The following TIA1 variants were observed in gnomAD, a reference collection of about 807,000 sequenced individuals.
TIA1 encodes the protein TIA1 cytotoxic granule associated RNA binding protein.
In TIA1, 23 loss-of-function variants were observed where a neutral mutation model predicts 65.9. The observed-to-expected ratio is 0.35, with a 90% CI of 0.25 to 0.49. The LOEUF is 0.49. TIA1 is among the 20% of genes least tolerant of loss of function. The pLI is 0.98. For missense variants in TIA1, 371 were observed against 477.9 expected, an observed-to-expected ratio of 0.78 and a Z score of 2.09; for synonymous variants, 147 against 149.4, an observed-to-expected ratio of 0.98 and a Z score of 0.12.
rs747514623 is a variant in TIA1 at position 70,216,230 on chromosome 2, C to T, written c.742G>A (p.Asp248Asn). 1 of 1,590,608 alleles carries T rather than the reference C, an allele frequency of 6.3e-7. No individual in the cohort carries two copies. The highest frequency in any genetic ancestry group is 8.5e-7 in the Non-Finnish European group (1 of 1,173,568). Residue 248 changes from aspartate (D) to asparagine (N), a missense_variant, in exon 10 of 13, where the codon GAT (aspartate) becomes AAT (asparagine). Transcript: ENST00000433529. ...TACCGAACAAATGAATATCCTTTAT[C>T]TGGAAAGACTCGAATTTCCATTATT... The part of the protein sequence containing the change: ...GQIMEIRVFP[D>N]KGYSFVRFNS...
chr2:70,224,545 T>A lies in TIA1; in HGVS notation c.474+9A>T. The A allele has an allele frequency of 6.2e-7, 1 of 1,614,068 alleles. No individual in the cohort carries two copies. Among genetic ancestry groups the A allele is most frequent in the Non-Finnish European group, 8.5e-7 (1 of 1,179,984 alleles). Reference sequence around the variant, plus strand: ...TAAGCATTATCCATGCACTTCTCACTGAGCTCACCCATTTGTTGAAAAAGG... The same window carrying A: ...TAAGCATTATCCATGCACTTCTCACAGAGCTCACCCATTTGTTGAAAAAGG... On this transcript the variant is annotated intron_variant, in intron 7 of 12. Transcript: ENST00000433529.
In TIA1 at chr2:70,216,300, A is replaced by T; in HGVS notation, c.680-8T>A. ...TCTGACGCATTAGTTGTTCTGTTAG[A>T]CAAAAAACCAAAACAAACAAATCAC... On this transcript the variant is annotated splice_region_variant and splice_polypyrimidine_tract_variant and intron_variant, in intron 9 of 12. Transcript: ENST00000433529. 5 of 1,586,610 alleles carry T rather than the reference A, an allele frequency of 3.2e-6. No homozygotes were observed. The highest frequency in any genetic ancestry group is 4.3e-6 in the Non-Finnish European group (5 of 1,171,552).
chr2:70,234,820 A>G (rs933821754), intron 2 of TIA1, among the ~76,000 whole-genome samples: 25 of 152,224 alleles, frequency 1.6e-4, no homozygotes, highest in South Asian at 1.5e-3. Flanking sequence ...TCGGCCTCCC[A>G]AAGTGCTGGG....
chr2:70,232,187 C>T (rs1336720971), intron 2 of TIA1, among the ~76,000 whole-genome samples: 5 of 127,450 alleles, frequency 3.9e-5, no homozygotes, highest in African/African-American at 1.2e-4. Flanking sequence ...CCAGCCTGGG[C>T]GACAGAGCGA....
chr2:70,214,758 AT>A (rs1380618840), intron 11 of TIA1, among the ~76,000 whole-genome samples: 1 of 152,238 alleles, frequency 6.6e-6, no homozygotes, highest in African/African-American at 2.4e-5. Context: ...TACCCTAGTA[AT>A]AAATGTTAAA....
intron 2 of TIA1, among the ~76,000 whole-genome samples, chr2:70,234,376 C>T (rs1184967580): frequency 6.6e-6 from 1 of 152,124 alleles, no homozygotes; most frequent in Non-Finnish European, 1.5e-5. Context: ...ATCTTTCCCT[C>T]CTGTCTTTCT....
At chr2:70,246,728 A>C (rs529822387) in intron 1 of TIA1, among the ~76,000 whole-genome samples, 2 of 152,272 alleles carry the variant, frequency 1.3e-5, no homozygotes, top group South Asian at 4.1e-4. Flanking sequence ...TCTACTAAAA[A>C]TACAAAAATT....
rs1211754939 is a variant in TIA1, at chr2:70,226,197, T to C, written c.398+1538A>G. ...ATAATCATGGGACCATAAGAAAATCTACAGACTAAAAATATGACACAGAAA... is the reference window on the plus strand; with the variant it reads ...ATAATCATGGGACCATAAGAAAATCCACAGACTAAAAATATGACACAGAAA... On this transcript the variant is annotated intron_variant, in intron 6 of 12. Coordinates refer to ENST00000433529, the MANE Select transcript of TIA1 (RefSeq NM_022173.4). Among the ~76,000 whole-genome samples the C allele has an allele frequency of 2.6e-5, 4 of 152,076 alleles. No individual in the cohort carries two copies. The East Asian group carries it at 7.7e-4, about 29-fold the overall frequency.
rs1358583126 is a variant in TIA1, at chr2:70,211,856, T to C, written c.*863A>G. The stretch of plus-strand genomic sequence containing the variant: ...CATAATGAAATAATACATGTAAATG[T>C]TGAAGTTGACACATGAAATTAACAT... On this transcript the variant is annotated 3_prime_UTR_variant, in exon 13 of 13. Coordinates refer to ENST00000433529, the MANE Select transcript of TIA1 (RefSeq NM_022173.4). The C allele has an allele frequency of 2.0e-5, 3 of 152,574 alleles. No individual in the cohort carries two copies. The highest frequency in any genetic ancestry group is 7.2e-5 in the African/African-American group (3 of 41,466). 9.5% of individuals were successfully genotyped at this position (152,574 alleles called of 1,614,324 possible). A position where few individuals can be genotyped will look rare whatever the true frequency, so the allele number is the denominator to read the frequency against.
chr2:70,246,410 T>C (rs1194244739), intron 1 of TIA1, among the ~76,000 whole-genome samples: 1 of 152,150 alleles, frequency 6.6e-6, no homozygotes, highest in Admixed American at 6.5e-5. Flanking sequence ...TTAGGAAAAC[T>C]TAGGGATTAG....
chr2:70,235,287 T>A (rs1318385487), intron 2 of TIA1, among the ~76,000 whole-genome samples: 1 of 152,128 alleles, frequency 6.6e-6, no homozygotes, highest in Non-Finnish European at 1.5e-5. Flanking sequence ...TAGTGGCGCA[T>A]GCCTGTAATC....
At chr2:70,227,127 C>G (rs1455845871) in intron 6 of TIA1, among the ~76,000 whole-genome samples, 1 of 152,034 alleles carries the variant, frequency 6.6e-6, no homozygotes, top group East Asian at 1.9e-4. Flanking sequence ...GCATGCTTTT[C>G]AAAATTTTAA....
Position 70,218,804 on chromosome 2 carries a change from T to C in TIA1, c.475-1810A>G, listed in dbSNP as rs529097085. ...GTAGTAAGGGGATAAAGATACTTTA[T>C]GAAACTTGTGCAATATTCTAGATTT... On this transcript the variant is annotated intron_variant, in intron 7 of 12. Coordinates refer to ENST00000433529, the MANE Select transcript of TIA1 (RefSeq NM_022173.4). Among the ~76,000 whole-genome samples, 21 of 152,372 alleles carry C rather than the reference T, an allele frequency of 1.4e-4. No homozygotes were observed. The East Asian group carries it at 3.8e-3, about 28-fold the overall frequency.
intron 1 of TIA1, among the ~76,000 whole-genome samples, chr2:70,244,318 C>T (rs1011068851): frequency 2.0e-5 from 3 of 152,142 alleles, no homozygotes; most frequent in African/African-American, 7.2e-5. Flanking sequence ...CATTATGTTT[C>T]TCCATAGCAC....
intron 2 of TIA1, among the ~76,000 whole-genome samples, chr2:70,232,034 C>A (rs989125019): frequency 6.6e-6 from 1 of 151,538 alleles, no homozygotes; most frequent in African/African-American, 2.4e-5. Flanking sequence ...AACCCCGTCT[C>A]TACTAAAAAT....
chr2:70,214,323 T>C (rs774165707), intron 12 of TIA1, 26 bp downstream of exon 12: 35 of 1,593,982 alleles, frequency 2.2e-5, no homozygotes, highest in Non-Finnish European at 2.9e-5. Context: ...CAAAGGTTAG[T>C]AAAGGAAGAC....
chr2:70,212,393 G>C lies in TIA1; in HGVS notation c.*326C>G, dbSNP rs1238121012. ...CAAACTAGAACTGCACACTACTTCA[G>C]TGGAAAAAAGTTCAATATTGTGCAA... On this transcript the variant is annotated 3_prime_UTR_variant, in exon 13 of 13. Coordinates refer to ENST00000433529, the MANE Select transcript of TIA1 (RefSeq NM_022173.4). 1 of 220,958 alleles carries C rather than the reference G, an allele frequency of 4.5e-6. No homozygotes were observed. 13.7% of individuals were successfully genotyped at this position (220,958 alleles called of 1,614,324 possible).
chr2:70,213,316 C>A (rs72841142), intron 12 of TIA1, among the ~76,000 whole-genome samples: 9,294 of 150,886 alleles, frequency 0.062, 360 homozygotes, highest in East Asian at 0.18. Flanking sequence ...CATAAAAATT[C>A]ATAACATTAC....
rs1676206626 is a variant in TIA1 at position 70,210,469 on chromosome 2, T to C, written c.*2250A>G. The C allele has an allele frequency of 6.6e-6, 1 of 152,220 alleles. No individual in the cohort carries two copies. Among genetic ancestry groups the C allele is most frequent in the South Asian group, 2.1e-4 (1 of 4,834 alleles). The allele number at this position is 152,220 out of a possible 1,614,324, so 9.4% of individuals were successfully genotyped here. On this transcript the variant is annotated 3_prime_UTR_variant, in exon 13 of 13. Coordinates refer to ENST00000433529, the MANE Select transcript of TIA1 (RefSeq NM_022173.4). ...GTTCCTGAAATGTGAATTTGTTCAG[T>C]AGTAACCTTTTCATCATGAGTACTG...
Sources: allele counts gnomAD v4.1 joint callset (sites outside exome capture counted in the v4.1 genomes callset), GRCh38; gene constraint gnomAD v4.1.1; transcripts MANE v1.5; gene names NCBI Gene and HGNC (gene_info 2026-07-23, HGNC 2026-07-21).